Variants in NRCAM observed in about 807,000 individuals in gnomAD.
NRCAM encodes neuronal cell adhesion molecule.
NRCAM carries 83 observed loss-of-function variants against 156.5 expected under a neutral mutation model. The ratio of observed to expected loss-of-function variants is 0.53; its 90% CI spans 0.44 to 0.64. The LOEUF (loss-of-function observed/expected upper bound fraction) is 0.64, where lower values mean the gene tolerates loss of function less well. NRCAM is among the 30% of genes least tolerant of loss of function. The pLI, the probability that NRCAM is intolerant of heterozygous loss-of-function variation, is 0.00. For synonymous variants in NRCAM, 538 were observed against 563.9 expected (o/e 0.95, Z 0.65); for missense variants, 1,417 against 1,597.3 (o/e 0.89, Z 1.92).
intron 2 of NRCAM, among the ~76,000 whole-genome samples, chr7:108,366,690 A>G (rs2099593730): frequency 6.6e-6 from 1 of 152,224 alleles, no homozygotes; most frequent in Non-Finnish European, 1.5e-5. Flanking sequence ...TGTCCCACAA[A>G]AAGTCAACCA....
rs60553976 is a variant in NRCAM at position 108,324,877 on chromosome 7, C to CTTTTT, written c.-173-12151_-173-12147dup. 4.8e-4 allele frequency among the ~76,000 whole-genome samples: 40 copies of CTTTTT among 82,690 alleles called. 1 individual carries two copies. Among genetic ancestry groups the CTTTTT allele is most frequent in the African/African-American group, 7.2e-4 (14 of 19,560 alleles). The allele number at this position is 82,690 out of a possible 152,430, so 54.2% of individuals were successfully genotyped here. Reference sequence around the variant, plus strand: ...TGTTTGTGTAATATTTGGCACTGTACTTTTTTTTTTTTTTTTTTTTTTTTT... The same window carrying CTTTTT: ...TGTTTGTGTAATATTTGGCACTGTACTTTTTTTTTTTTTTTTTTTTTTTTTTTTTT... On this transcript the variant is annotated intron_variant, in intron 2 of 32. Transcript: ENST00000379028.
intron 3 of NRCAM, among the ~76,000 whole-genome samples, chr7:108,253,898 A>G (rs773089013): frequency 4.6e-5 from 7 of 152,150 alleles, no homozygotes; most frequent in South Asian, 2.1e-4. Context: ...AATTATTTAC[A>G]ATGACAACAA....
intron 5 of NRCAM, 34 bp from the exon 6 acceptor site, chr7:108,234,722 A>G: frequency 1.4e-6 from 2 of 1,430,640 alleles, no homozygotes. Flanking sequence ...GTAAAAAAAC[A>G]AATTATTTAA....
chr7:108,160,611 C>A, intron 30 of NRCAM, 119 bp from the exon 31 acceptor site: 1 of 687,608 alleles, frequency 1.5e-6, no homozygotes. Flanking sequence ...TACATGTGGC[C>A]CCAAATTAGG....
At chr7:108,321,479 C>T (rs1293517116) in intron 2 of NRCAM, among the ~76,000 whole-genome samples, 1 of 152,108 alleles carries the variant, frequency 6.6e-6, no homozygotes, top group African/African-American at 2.4e-5. Flanking sequence ...AAAGAGGGCA[C>T]CAAGCCATTT....
chr7:108,186,324 G>A (rs886857148), intron 20 of NRCAM, among the ~76,000 whole-genome samples: 3 of 152,122 alleles, frequency 2.0e-5, no homozygotes, highest in Non-Finnish European at 2.9e-5. Flanking sequence ...CTGTCTGCTC[G>A]ACAATTCCAC....
intron 32 of NRCAM, among the ~76,000 whole-genome samples, chr7:108,155,101 T>TATATACACACAC (rs1270777439): frequency 1.5e-4 from 19 of 123,118 alleles, no homozygotes; most frequent in African/African-American, 6.7e-4. Flanking sequence ...TATATATATA[T>TATATACACACAC]ACACACACAC....
chr7:108,312,358 T>A (rs1377204244), intron 3 of NRCAM, among the ~76,000 whole-genome samples: 1 of 152,328 alleles, frequency 6.6e-6, no homozygotes, highest in East Asian at 1.9e-4. Context: ...TAAACATTTT[T>A]ACTAGCAGTG....
rs552327136 is a variant in NRCAM, at chr7:108,383,738, T to C, written c.-174+15698A>G. On this transcript the variant is annotated intron_variant, in intron 2 of 32. Transcript: ENST00000379028. ...CTTCAGTTTATGCTGAAGACAATTATACATCTTCCTTGAGCCAAGAACCTG... is the reference window on the plus strand; with the variant it reads ...CTTCAGTTTATGCTGAAGACAATTACACATCTTCCTTGAGCCAAGAACCTG... 1.1e-3 allele frequency among the ~76,000 whole-genome samples: 173 copies of C among 152,356 alleles called. 2 individuals are homozygous for C. Among genetic ancestry groups the C allele is most frequent in the African/African-American group, 3.9e-3 (163 of 41,568 alleles).
At chr7:108,440,428 G>GA (rs1371805779) in intron 1 of NRCAM, among the ~76,000 whole-genome samples, 2 of 151,732 alleles carry the variant, frequency 1.3e-5, no homozygotes, top group East Asian at 3.9e-4. Flanking sequence ...TGATCCAACA[G>GA]AAAAAAAGTT....
intron 3 of NRCAM, among the ~76,000 whole-genome samples, chr7:108,293,210 A>G (rs1365099177): frequency 6.6e-6 from 1 of 152,126 alleles, no homozygotes; most frequent in Admixed American, 6.5e-5. Context: ...CCTAGCTCAT[A>G]GGCCTGACCC....
chr7:108,441,708 T>C (rs980229706), intron 1 of NRCAM, among the ~76,000 whole-genome samples: 3 of 152,348 alleles, frequency 2.0e-5, no homozygotes, highest in Admixed American at 6.5e-5. Flanking sequence ...AGTTTCCTCA[T>C]CTATAAAATG....
chr7:108,341,205 A>C (rs2099272771), intron 2 of NRCAM, among the ~76,000 whole-genome samples: 1 of 152,232 alleles, frequency 6.6e-6, no homozygotes, highest in Non-Finnish European at 1.5e-5. Flanking sequence ...GTCAGAAGCC[A>C]CTAACCAGAT....
intron 2 of NRCAM, among the ~76,000 whole-genome samples, chr7:108,396,029 A>G (rs1280326642): frequency 1.3e-5 from 2 of 152,142 alleles, no homozygotes; most frequent in Non-Finnish European, 2.9e-5. Flanking sequence ...GCAAATGCCA[A>G]TGTCTCCCCA....
In NRCAM at chr7:108,404,660, A is replaced by G. The variant is rs2099802350; in HGVS notation, c.-331-5067T>C. 2.6e-5 allele frequency among the ~76,000 whole-genome samples: 4 copies of G among 152,320 alleles called. No individual in the cohort carries two copies. The South Asian group carries it at 8.3e-4, about 32-fold the overall frequency. On this transcript the variant is annotated intron_variant, in intron 1 of 32. Transcript: ENST00000379028. ...ATCCTAAATACCGTTAAAACTGGTT[A>G]GCATATATTTGATCCTCATGACAAC...
At chr7:108,323,850 G>A (rs906694430) in intron 2 of NRCAM, among the ~76,000 whole-genome samples, 2 of 152,138 alleles carry the variant, frequency 1.3e-5, no homozygotes, top group African/African-American at 4.8e-5. Context: ...CTTCTTGGAA[G>A]GTGTAATTCC....
intron 3 of NRCAM, among the ~76,000 whole-genome samples, chr7:108,281,778 G>A (rs140452316): frequency 6.6e-6 from 1 of 152,350 alleles, no homozygotes; most frequent in Non-Finnish European, 1.5e-5. Flanking sequence ...CGGGGAAGGG[G>A]CAAAGCCTTG....
intron 32 of NRCAM, 75 bp downstream of exon 32, chr7:108,159,388 T>C: frequency 9.4e-6 from 12 of 1,282,934 alleles, no homozygotes; most frequent in Non-Finnish European, 1.2e-5. Context: ...GCAGAGCATA[T>C]TCTGGCTGAG....
intron 30 of NRCAM, among the ~76,000 whole-genome samples, chr7:108,161,403 T>C (rs1300943236): frequency 6.6e-6 from 1 of 152,228 alleles, no homozygotes; most frequent in Non-Finnish European, 1.5e-5. Context: ...TATTTTAAAG[T>C]ATCAATCTTA....
Sources: gnomAD v4.1 joint callset for allele counts (sites outside exome capture counted in the v4.1 genomes callset) on GRCh38, gnomAD v4.1.1 for gene constraint, MANE v1.5 for transcripts, NCBI Gene and HGNC (gene_info 2026-07-23, HGNC 2026-07-21) for gene names.